Variants in NELFB observed in about 807,000 individuals in gnomAD.
NELFB encodes negative elongation factor complex member B, also known as negative elongation factor B.
In NELFB, 34 loss-of-function variants were observed where a neutral mutation model predicts 60.2. That is an observed-to-expected ratio of 0.56 (90% CI 0.43 to 0.75). NELFB has a LOEUF of 0.75. NELFB is among the 30% of genes least tolerant of loss of function. The pLI, the probability that NELFB is intolerant of heterozygous loss-of-function variation, is 0.00. For missense variants in NELFB, 770 were observed against 831.6 expected (o/e 0.93, Z 0.91); for synonymous variants, 459 against 382.1 (o/e 1.20, Z -2.35).
In NELFB at chr9:137,272,925, C is replaced by T; in HGVS notation, c.1884C>T (p.Leu628=). 5 of 1,528,400 alleles carry T rather than the reference C, an allele frequency of 3.3e-6. No homozygotes were observed. The highest frequency in any genetic ancestry group is 2.1e-4 in the Middle Eastern group (1 of 4,680). 94.7% of individuals were successfully genotyped at this position (1,528,400 alleles called of 1,614,324 possible). Residue 628 remains leucine (L), a synonymous_variant, in exon 13 of 13, where the codon CTC becomes CTT. Transcript: ENST00000343053. The stretch of plus-strand genomic sequence containing the variant: ...CCAGCGTGCCCGCCCCTGCCCCGCT[C>T]TGAGGGCCCTCCAGACCTGCTCGGG...
chr9:137,270,203 C>T (rs1033115464), intron 10 of NELFB, among the ~76,000 whole-genome samples: 8 of 151,580 alleles, frequency 5.3e-5, no homozygotes, highest in East Asian at 1.9e-4. Flanking sequence ...ATCGCTTGAA[C>T]CTGGGAGGCA....
At chr9:137,263,008 TG>T in intron 4 of NELFB, 28 bp from the exon 5 acceptor site, 1 of 1,603,630 alleles carries the variant, frequency 6.2e-7, no homozygotes, top group Non-Finnish European at 8.5e-7. Flanking sequence ...CAGGACGGTC[TG>T]GGGGCCTGAC....
intron 4 of NELFB, among the ~76,000 whole-genome samples, chr9:137,257,469 C>T (rs1238269626): frequency 6.7e-6 from 1 of 149,728 alleles, no homozygotes; most frequent in Admixed American, 6.7e-5. Context: ...ACTACAGGCG[C>T]CCGCCACCAT....
At chr9:137,257,972 A>G (rs1564441832) in intron 4 of NELFB, among the ~76,000 whole-genome samples, 1 of 151,394 alleles carries the variant, frequency 6.6e-6, no homozygotes, top group Non-Finnish European at 1.5e-5. Context: ...ACTTAAAAAT[A>G]TATATATATT....
intron 3 of NELFB, 98 bp from the exon 4 acceptor site, chr9:137,256,726 C>A: frequency 2.6e-6 from 3 of 1,140,648 alleles, no homozygotes; most frequent in African/African-American, 3.1e-5. Context: ...TGGAGCTTAG[C>A]TCGAGGTGGT....
chr9:137,271,432 G>A (rs1372241125), intron 10 of NELFB, among the ~76,000 whole-genome samples: 3 of 152,268 alleles, frequency 2.0e-5, no homozygotes, highest in Non-Finnish European at 4.4e-5. Context: ...TCTGCAGGCG[G>A]CCGCCCTCCC....
chr9:137,264,147 T>C lies in NELFB; in HGVS notation c.928-98T>C. ...CTGCCGCCCCCCGCAGCAGCTATGA[T>C]TGAACAAGAGGCCAGGGCCTGGAGC... On this transcript the variant is annotated intron_variant, in intron 5 of 12. Transcript: ENST00000343053. 3.3e-6 allele frequency: 3 copies of C among 896,422 alleles called. No homozygotes were observed. The South Asian group carries it at 4.4e-5, about 13-fold the overall frequency. The allele number at this position is 896,422 out of a possible 1,614,324, so 55.5% of individuals were successfully genotyped here.
intron 4 of NELFB, among the ~76,000 whole-genome samples, chr9:137,261,822 G>A (rs1363976189): frequency 6.6e-6 from 1 of 151,944 alleles, no homozygotes; most frequent in African/African-American, 2.4e-5. Context: ...AAGACGCGGA[G>A]ACTGGTAGTG....
intron 4 of NELFB, among the ~76,000 whole-genome samples, chr9:137,257,943 G>A (rs548509505): frequency 6.6e-6 from 1 of 151,798 alleles, no homozygotes; most frequent in South Asian, 2.1e-4. Flanking sequence ...CCACAGGCAC[G>A]TGCCACCACA....
chr9:137,264,077 C>T (rs1276510048), intron 5 of NELFB, among the ~76,000 whole-genome samples, 168 bp from the exon 6 acceptor site: 2 of 152,200 alleles, frequency 1.3e-5, no homozygotes, highest in African/African-American at 4.8e-5. Context: ...CTGCTTTGGC[C>T]GGGAGGTGTG....
chr9:137,257,048 G>C lies in NELFB; in HGVS notation c.735G>C (p.Gln245His). Residue 245 changes from glutamine (Q) to histidine (H), a missense_variant, in exon 4 of 13, where the codon CAG becomes CAC. Transcript: ENST00000343053. ...GTCCTTCCCCCAAGACCAGGCGCCAGGGCGAGGTGAGGGGACAGGCCGTGT... is the reference window on the plus strand; with the variant it reads ...GTCCTTCCCCCAAGACCAGGCGCCACGGCGAGGTGAGGGGACAGGCCGTGT... 2 of 1,611,118 alleles carry C rather than the reference G, an allele frequency of 1.2e-6. No individual in the cohort carries two copies. Among genetic ancestry groups the C allele is most frequent in the Non-Finnish European group, 1.7e-6 (2 of 1,178,324 alleles).
Position 137,272,186 on chromosome 9 carries a change from G to A in NELFB, c.1595G>A (p.Ser532Asn), listed in dbSNP as rs1249283922. The A allele has an allele frequency of 3.1e-6, 5 of 1,614,082 alleles. No individual in the cohort carries two copies. In the Admixed American group the frequency reaches 6.7e-5, roughly 22 times the overall value. ...TTTGCCCTTGAGGACTTCTGCAGCA[G>A]CCTCTTCGATGGCTTCTTCCTCACC... Residue 532 changes from serine to asparagine, a missense_variant, in exon 11 of 13, where the codon AGC (serine) becomes AAC (asparagine). Physicochemically the swap from Ser to Asn is conservative, Grantham distance 46. Transcript: ENST00000343053.
At position 137,259,053 on chromosome 9, in the gene NELFB, T is replaced by G. The variant is rs75985180; in HGVS notation, c.741+1999T>G. On this transcript the variant is annotated intron_variant, in intron 4 of 12. Coordinates refer to ENST00000343053, the MANE Select transcript of NELFB (RefSeq NM_015456.5). ...CAAGAAAAAAAAATTAAGCTAAGCA[T>G]GGTGGTGCGTACCTGTTGTCTCAAC... Among the ~76,000 whole-genome samples the G allele has an allele frequency of 6.4e-3, 967 of 152,238 alleles. 6 individuals are homozygous for G. The highest frequency in any genetic ancestry group is 8.9e-3 in the Non-Finnish European group (608 of 68,030).
intron 10 of NELFB, 41 bp from the exon 11 acceptor site, chr9:137,272,040 C>G: frequency 6.2e-7 from 1 of 1,611,880 alleles, no homozygotes; most frequent in Non-Finnish European, 8.5e-7. Context: ...CTGGGGTGGG[C>G]AGGGTGAGTG....
chr9:137,261,535 G>A (rs1830447029), intron 4 of NELFB, among the ~76,000 whole-genome samples: 1 of 151,748 alleles, frequency 6.6e-6, no homozygotes, highest in Non-Finnish European at 1.5e-5. Flanking sequence ...GCCGGCGCCT[G>A]TAATCCCAAC....
chr9:137,270,124 CTG>C (rs1371296485), intron 10 of NELFB, among the ~76,000 whole-genome samples: 3 of 152,120 alleles, frequency 2.0e-5, no homozygotes, highest in Non-Finnish European at 4.4e-5. Context: ...GGGTGTAAAT[CTG>C]AGACATCACA....
At position 137,256,012 on chromosome 9, in the gene NELFB, C is replaced by T; in HGVS notation, c.352C>T (p.Arg118Trp). ...CCACCAGTCGGTATTCGATGAGCTGCGGGACAAGCTGCTGGAGCGAGTGTC... is the reference window on the plus strand; with the variant it reads ...CCACCAGTCGGTATTCGATGAGCTGTGGGACAAGCTGCTGGAGCGAGTGTC... The change falls in exon 2 of 13, where the codon CGG becomes TGG. Residue 118 changes from arginine to tryptophan, a missense_variant. By Grantham distance (101) the Arg-to-Trp change is moderately radical. Coordinates refer to ENST00000343053, the MANE Select transcript of NELFB (RefSeq NM_015456.5). 2 of 1,613,828 alleles carry T rather than the reference C, an allele frequency of 1.2e-6. No individual in the cohort carries two copies. Among genetic ancestry groups the T allele is most frequent in the South Asian group, 1.1e-5 (1 of 91,086 alleles).
Position 137,264,350 on chromosome 9 carries a change from G to T in NELFB, c.1033G>T (p.Val345Leu). 1 of 1,586,610 alleles carries T rather than the reference G, an allele frequency of 6.3e-7. No homozygotes were observed. ...TGGCGTCAAGAAGGGCCAGGAGCAG[G>T]TGCTGGGGTGAGGGTCGGCTCCACG... Residue 345 changes from valine to leucine, a missense_variant, in exon 6 of 13, where the codon GTG becomes TTG. Transcript: ENST00000343053.
At chr9:137,265,031 C>CTTTTTTTTTT (rs60479210) in intron 6 of NELFB, among the ~76,000 whole-genome samples, 1 of 126,178 alleles carries the variant, frequency 7.9e-6, no homozygotes, top group Non-Finnish European at 1.6e-5. Flanking sequence ...TTTTTTCTTC[C>CTTTTTTTTTT]TTTTTTTTTT....
Sources: gnomAD v4.1 joint callset for allele counts (sites outside exome capture counted in the v4.1 genomes callset) on GRCh38, gnomAD v4.1.1 for gene constraint, MANE v1.5 for transcripts, NCBI Gene and HGNC (gene_info 2026-07-23, HGNC 2026-07-21) for gene names.